The following CADPS variants were observed in gnomAD, a reference collection of about 807,000 sequenced individuals.
CADPS encodes the protein calcium dependent secretion activator.
Under a neutral mutation model 167.3 loss-of-function variants are expected in CADPS, and 57 were observed. That is an observed-to-expected ratio of 0.34 (90% confidence interval 0.28 to 0.42). CADPS has a LOEUF of 0.42. Ranked by LOEUF, CADPS falls within the 20% of genes least tolerant of loss-of-function variation. The probability of loss-of-function intolerance (pLI) is 1.00; values close to 1 mark genes in which losing one functional copy is unlikely to be tolerated. For synonymous variants in CADPS, 676 were observed against 635.3 expected (o/e 1.06, Z -0.96); for missense variants, 1,414 against 1,738.1 (o/e 0.81, Z 3.32).
At chr3:62,571,113 T>G (rs1319305873) in intron 8 of CADPS, among the ~76,000 whole-genome samples, 175 bp from the exon 9 acceptor site, 1 of 152,182 alleles carries the variant, frequency 6.6e-6, no homozygotes, top group Non-Finnish European at 1.5e-5. Flanking sequence ...ACTTTTCACT[T>G]CCACTTACAG....
At chr3:62,570,155 A>G (rs2081022849) in intron 9 of CADPS, among the ~76,000 whole-genome samples, 2 of 152,086 alleles carry the variant, frequency 1.3e-5, no homozygotes, top group African/African-American at 4.8e-5. Context: ...AGAGCTATAT[A>G]TGTAAACATT....
chr3:62,777,166 T>C (rs1034886168), intron 1 of CADPS, among the ~76,000 whole-genome samples: 3 of 152,196 alleles, frequency 2.0e-5, no homozygotes, highest in Non-Finnish European at 2.9e-5. Flanking sequence ...TTGGGTCTTA[T>C]AAGGTTTAAT....
chr3:62,613,785 A>C (rs1007057152), intron 6 of CADPS, among the ~76,000 whole-genome samples: 4 of 152,196 alleles, frequency 2.6e-5, no homozygotes, highest in Admixed American at 2.0e-4. Context: ...CCGATAGCTG[A>C]AATGAAGGAG....
Position 62,547,597 on chromosome 3 carries a change from C to A in CADPS, c.1966+2306G>T, listed in dbSNP as rs543312596. Among the ~76,000 whole-genome samples the A allele has an allele frequency of 2.8e-3, 337 of 118,752 alleles. 23 individuals carry two copies. Among genetic ancestry groups the A allele is most frequent in the Admixed American group, 4.9e-3 (60 of 12,244 alleles). The allele number at this position is 118,752 out of a possible 152,430, so 77.9% of individuals were successfully genotyped here. A position where few individuals can be genotyped will look rare whatever the true frequency, so the allele number is the denominator to read the frequency against. ...ATGATATCATTTACGCCCCCCCCCCCCCGCAAATTCTAACTCTTAGGAGTT... is the reference window on the plus strand; with the variant it reads ...ATGATATCATTTACGCCCCCCCCCCACCGCAAATTCTAACTCTTAGGAGTT... On this transcript the variant is annotated intron_variant, in intron 11 of 29. Transcript: ENST00000383710.
chr3:62,570,376 C>T (rs1420781950), intron 9 of CADPS, among the ~76,000 whole-genome samples: 1 of 152,068 alleles, frequency 6.6e-6, no homozygotes, highest in Non-Finnish European at 1.5e-5. Context: ...CAAATTCAAA[C>T]ACACTAAATA....
At chr3:62,699,844 C>T (rs2081065208) in intron 3 of CADPS, among the ~76,000 whole-genome samples, 1 of 152,094 alleles carries the variant, frequency 6.6e-6, no homozygotes. Context: ...GCTGGGAGTA[C>T]ACCGTGCCTG....
At chr3:62,766,842 C>G (rs2087014331) in intron 1 of CADPS, among the ~76,000 whole-genome samples, 1 of 152,172 alleles carries the variant, frequency 6.6e-6, no homozygotes, top group Non-Finnish European at 1.5e-5. Context: ...AGGGGCAGGT[C>G]TTCCTGCTAT....
rs1207947445 is a variant in CADPS at position 62,412,614 on chromosome 3, TA to T, written c.3778-9430del. On this transcript the variant is annotated intron_variant, in intron 28 of 29. Transcript: ENST00000383710. The surrounding 1 kb of genome is among the most constrained non-coding windows in gnomAD (Gnocchi z 4.1). ...AATTCCAACTCTGTAAAATGTGTAA[TA>T]AGTAATTCTTTAGCATCAAAATTTC... Among the ~76,000 whole-genome samples, 4 of 152,126 alleles carry T rather than the reference TA, an allele frequency of 2.6e-5. No homozygotes were observed. The highest frequency in any genetic ancestry group is 5.9e-5 in the Non-Finnish European group (4 of 68,022).
intron 1 of CADPS, among the ~76,000 whole-genome samples, chr3:62,792,539 G>C (rs940605191): frequency 6.6e-6 from 1 of 151,768 alleles, no homozygotes; most frequent in Non-Finnish European, 1.5e-5. Context: ...CTCTGCCACA[G>C]GATCTTGGTA....
At position 62,753,503 on chromosome 3, in the gene CADPS, T is replaced by A. The variant is rs2152419129; in HGVS notation, c.826A>T (p.Met276Leu). 6.2e-7 allele frequency: 1 copy of A among 1,614,054 alleles called. No homozygotes were observed. The highest frequency in any genetic ancestry group is 8.5e-7 in the Non-Finnish European group (1 of 1,179,992). Residue 276 changes from methionine to leucine, a missense_variant, in exon 3 of 30, where the codon ATG (methionine) becomes TTG (leucine). Physicochemically the swap from Met to Leu is conservative, Grantham distance 15. Transcript: ENST00000383710. This position sits in a 1 kb window ranked among gnomAD's most constrained non-coding sequence, Gnocchi z 4.6. ...TTGATCCCAAGAATGTTCTGGAACA[T>A]CTCATAGAGTTGCTCCTTGCTCAGA... ...LILSKEQLYE[M>L]FQNILGIKKF...
rs190592401 is a variant in CADPS at position 62,541,786 on chromosome 3, T to C, written c.1967-5205A>G. Among the ~76,000 whole-genome samples the C allele has an allele frequency of 8.4e-4, 128 of 152,292 alleles. 1 individual carries two copies. Among genetic ancestry groups the C allele is most frequent in the African/African-American group, 2.8e-3 (118 of 41,574 alleles). The stretch of plus-strand genomic sequence containing the variant: ...TTTGGGTTCATTTCATGTTTGATAG[T>C]CTTTTCCTTTTTTCCTCCCTCACAA... On this transcript the variant is annotated intron_variant, in intron 11 of 29. Transcript: ENST00000383710.
chr3:62,599,149 G>A (rs1205509081), intron 6 of CADPS, among the ~76,000 whole-genome samples: 1 of 152,044 alleles, frequency 6.6e-6, no homozygotes, highest in African/African-American at 2.4e-5. Context: ...GAAAAGACCA[G>A]AGGTGGATAA....
At chr3:62,788,370 C>T (rs2092648310) in intron 1 of CADPS, among the ~76,000 whole-genome samples, 1 of 152,120 alleles carries the variant, frequency 6.6e-6, no homozygotes. Context: ...TAAAAACCAA[C>T]TGAGTTAAGA....
At chr3:62,674,392 A>G (rs754960320) in intron 3 of CADPS, among the ~76,000 whole-genome samples, 4 of 152,192 alleles carry the variant, frequency 2.6e-5, no homozygotes, top group Non-Finnish European at 4.4e-5. Flanking sequence ...GGGTCTATTC[A>G]TAAGTCTACC....
chr3:62,557,571 C>T, intron 9 of CADPS, 58 bp from the exon 10 acceptor site: 1 of 1,340,486 alleles, frequency 7.5e-7, no homozygotes, highest in South Asian at 1.2e-5. Flanking sequence ...CTCCAAAAAA[C>T]CCTCCCCCAT....
intron 18 of CADPS, among the ~76,000 whole-genome samples, chr3:62,495,005 T>C (rs1485628899): frequency 6.6e-6 from 1 of 152,140 alleles, no homozygotes; most frequent in Non-Finnish European, 1.5e-5. Flanking sequence ...CCAGAGGTCA[T>C]AAGAAGTGCC....
chr3:62,532,262 T>G (rs919434985), intron 13 of CADPS, among the ~76,000 whole-genome samples: 8 of 152,178 alleles, frequency 5.3e-5, no homozygotes, highest in Non-Finnish European at 8.8e-5. Flanking sequence ...TCATGTTTCT[T>G]TATTAAATTT....
In CADPS at chr3:62,458,329, G is replaced by A. The variant is rs2058942687; in HGVS notation, c.3636+7038C>T. 6.6e-6 allele frequency among the ~76,000 whole-genome samples: 1 copy of A among 152,092 alleles called. No homozygotes were observed. Among genetic ancestry groups the A allele is most frequent in the Admixed American group, 6.6e-5 (1 of 15,262 alleles). ...CAATAGCCTGCCTACGTTTCTGTTA[G>A]TCTGGGCTTCACAGTCACACCTTTA... On this transcript the variant is annotated intron_variant, in intron 26 of 29. Coordinates refer to ENST00000383710, the MANE Select transcript of CADPS (RefSeq NM_003716.4). The surrounding 1 kb of genome is among the most constrained non-coding windows in gnomAD (Gnocchi z 4.6).
At chr3:62,566,839 T>C (rs2080313418) in intron 9 of CADPS, among the ~76,000 whole-genome samples, 1 of 152,156 alleles carries the variant, frequency 6.6e-6, no homozygotes, top group African/African-American at 2.4e-5. Flanking sequence ...GTCCCCAACA[T>C]ACCTTGACAG....
Sources: allele counts gnomAD v4.1 joint callset (sites outside exome capture counted in the v4.1 genomes callset), GRCh38; gene constraint gnomAD v4.1.1; non-coding constraint Gnocchi (gnomAD v3.1); transcripts MANE v1.5; gene names NCBI Gene and HGNC (gene_info 2026-07-23, HGNC 2026-07-21).